RB1CC1: variants seen among roughly 807,000 people sequenced by gnomAD.
The protein encoded by RB1CC1 is RB1-inducible coiled-coil protein 1.
Under a neutral mutation model 177.5 loss-of-function variants are expected in RB1CC1, and 46 were observed. That is an observed-to-expected ratio of 0.26 (90% CI 0.20 to 0.33). RB1CC1 has a LOEUF of 0.33. RB1CC1 is among the 10% of genes least tolerant of loss of function. The pLI is 1.00. For synonymous variants in RB1CC1, 666 were observed against 613.6 expected (o/e 1.09, Z -1.26); for missense variants, 1,703 against 1,816.3 (o/e 0.94, Z 1.13).
At chr8:52,695,752 C>A (rs948262668) in intron 1 of RB1CC1, among the ~76,000 whole-genome samples, 1 of 152,194 alleles carries the variant, frequency 6.6e-6, no homozygotes, top group South Asian at 2.1e-4. Flanking sequence ...TGAGTTTGGA[C>A]CCCTTCCAGA....
At chr8:52,641,046 C>G (rs1000160749) in intron 18 of RB1CC1, among the ~76,000 whole-genome samples, 7 of 152,104 alleles carry the variant, frequency 4.6e-5, no homozygotes, top group African/African-American at 1.7e-4. Flanking sequence ...CCTGCACTTA[C>G]TGGTTTCTTA....
intron 7 of RB1CC1, among the ~76,000 whole-genome samples, chr8:52,670,234 A>T (rs1852442062): frequency 6.6e-6 from 1 of 152,202 alleles, no homozygotes; most frequent in South Asian, 2.1e-4. Context: ...TGCCCAGCTG[A>T]CTTCCTAAAA....
chr8:52,689,303 A>G (rs576642067), intron 1 of RB1CC1, among the ~76,000 whole-genome samples: 2 of 152,290 alleles, frequency 1.3e-5, no homozygotes, highest in Admixed American at 6.5e-5. Flanking sequence ...AACATCAGCA[A>G]ATTTGTCCTG....
chr8:52,632,532 C>G (rs542898369), intron 20 of RB1CC1, among the ~76,000 whole-genome samples: 4 of 152,174 alleles, frequency 2.6e-5, no homozygotes, highest in African/African-American at 9.6e-5. Flanking sequence ...TTTTTAAAAG[C>G]TTAAGTTTTT....
Position 52,657,666 on chromosome 8 carries a change from C to G in RB1CC1, c.2163G>C (p.Leu721Phe). The part of the protein sequence containing the change: ...EQTIHQVSLD[L>F]DSLAESPESD... Reference sequence around the variant, plus strand: ...ATTCAGGACTTTCTGCTAATGAATCCAAGTCTAAAGAAACTTGGTGAATAG... The same window carrying G: ...ATTCAGGACTTTCTGCTAATGAATCGAAGTCTAAAGAAACTTGGTGAATAG... Residue 721 changes from leucine (L) to phenylalanine (F), a missense_variant, in exon 15 of 24, where the codon TTG (leucine) becomes TTC (phenylalanine). Coordinates refer to ENST00000025008, the MANE Select transcript of RB1CC1 (RefSeq NM_014781.5). 1 of 1,614,092 alleles carries G rather than the reference C, an allele frequency of 6.2e-7. No individual in the cohort carries two copies. The highest frequency in any genetic ancestry group is 8.5e-7 in the Non-Finnish European group (1 of 1,180,016).
At chr8:52,666,928 A>C (rs950948729) in intron 8 of RB1CC1, among the ~76,000 whole-genome samples, 4 of 152,234 alleles carry the variant, frequency 2.6e-5, no homozygotes, top group African/African-American at 9.6e-5. Flanking sequence ...AAAGAGAAGG[A>C]AAAGCAAGTG....
At chr8:52,685,129 G>A (rs894538746) in intron 3 of RB1CC1, among the ~76,000 whole-genome samples, 10 of 150,892 alleles carry the variant, frequency 6.6e-5, no homozygotes, top group African/African-American at 1.5e-4. Flanking sequence ...TCAGCCTCCC[G>A]ATTAACTGGG....
chr8:52,693,382 G>C (rs576982097), intron 1 of RB1CC1, among the ~76,000 whole-genome samples: 1 of 151,926 alleles, frequency 6.6e-6, no homozygotes. Context: ...ATCTGACAAA[G>C]GTCTAATATC....
At position 52,685,247 on chromosome 8, in the gene RB1CC1, G is replaced by A. The variant is rs56028229; in HGVS notation, c.71+152C>T. On this transcript the variant is annotated intron_variant, in intron 3 of 23. Transcript: ENST00000025008. Reference sequence around the variant, plus strand: ...TCGATCTTTCTTGACCTCGTGATCCGCCCGCCTCAGCCTCCCAAAGTGCTG... The same window carrying A: ...TCGATCTTTCTTGACCTCGTGATCCACCCGCCTCAGCCTCCCAAAGTGCTG... 1,289 of 546,846 alleles carry A rather than the reference G, an allele frequency of 2.4e-3. 12 individuals carry two copies. The highest frequency in any genetic ancestry group is 0.021 in the African/African-American group (1,065 of 50,618). The allele number at this position is 546,846 out of a possible 1,614,324, so 33.9% of individuals were successfully genotyped here. A position where few individuals can be genotyped will look rare whatever the true frequency, so the allele number is the denominator to read the frequency against.
At chr8:52,627,305 C>T (rs1011903994) in intron 22 of RB1CC1, among the ~76,000 whole-genome samples, 19 of 152,280 alleles carry the variant, frequency 1.2e-4, no homozygotes, top group African/African-American at 4.3e-4. Flanking sequence ...TGAGATCGTG[C>T]CACCGCACTC....
chr8:52,656,830 A>T lies in RB1CC1; in HGVS notation c.2999T>A (p.Ile1000Lys). The T allele has an allele frequency of 6.2e-7, 1 of 1,613,792 alleles. No homozygotes were observed. The highest frequency in any genetic ancestry group is 8.5e-7 in the Non-Finnish European group (1 of 1,179,958). ...ELEDTLQVRH[I>K]QEFEKVMTDH... ...TGTCATAACCTTCTCAAACTCTTGT[A>T]TGTGCCTAACCTGAAGTGTGTCCTC... Residue 1000 changes from isoleucine (I) to lysine (K), a missense_variant, in exon 15 of 24, where the codon ATA (isoleucine) becomes AAA (lysine). Physicochemically the swap from Ile to Lys is moderately radical, Grantham distance 102 (BLOSUM62 -3). Transcript: ENST00000025008.
intron 22 of RB1CC1, 151 bp downstream of exon 22, chr8:52,627,881 C>T (rs1248426028): frequency 2.3e-5 from 14 of 609,398 alleles, no homozygotes; most frequent in Middle Eastern, 8.9e-4. Context: ...TGAAAATAAT[C>T]TAGATAATAC....
At position 52,714,109 on chromosome 8, in the gene RB1CC1, C is replaced by A; in HGVS notation, c.-201G>T. On this transcript the variant is annotated 5_prime_UTR_variant, in exon 1 of 24. Coordinates refer to ENST00000025008, the MANE Select transcript of RB1CC1 (RefSeq NM_014781.5). Reference sequence around the variant, plus strand: ...CCTCCTCCTTCGCCGGCGGCAGCAGCAGAGCCAGCGACCCCCGGCACCATC... The same window carrying A: ...CCTCCTCCTTCGCCGGCGGCAGCAGAAGAGCCAGCGACCCCCGGCACCATC... 2.8e-6 allele frequency: 1 copy of A among 351,394 alleles called. No homozygotes were observed. 21.8% of individuals were successfully genotyped at this position (351,394 alleles called of 1,614,324 possible). A position where few individuals can be genotyped will look rare whatever the true frequency, so the allele number is the denominator to read the frequency against.
At chr8:52,696,992 G>C (rs1315384486) in intron 1 of RB1CC1, among the ~76,000 whole-genome samples, 1 of 152,124 alleles carries the variant, frequency 6.6e-6, no homozygotes, top group Non-Finnish European at 1.5e-5. Context: ...AAGGGAGAGA[G>C]ACCGTCTCAA....
chr8:52,640,035 C>T (rs1471569699), intron 18 of RB1CC1, among the ~76,000 whole-genome samples: 1 of 152,098 alleles, frequency 6.6e-6, no homozygotes, highest in Non-Finnish European at 1.5e-5. Flanking sequence ...TTTATTGTGG[C>T]TCATTTGTTT....
Position 52,658,056 on chromosome 8 carries a change from G to A in RB1CC1, c.1862C>T (p.Ala621Val), listed in dbSNP as rs749129498. 6.2e-7 allele frequency: 1 copy of A among 1,613,938 alleles called. No homozygotes were observed. The highest frequency in any genetic ancestry group is 8.5e-7 in the Non-Finnish European group (1 of 1,180,002). ...HVLALHNLVK[A>V]AQSLDEMSQT... is the part of the protein sequence containing the mutation. ...TGACATTTCATCCAAACTTTGTGCT[G>A]CTTTTACCAAATTATGTAGAGCAAG... The change falls in exon 14 of 24, where the codon GCA becomes GTA. Residue 621 changes from alanine to valine, a missense_variant. Physicochemically the swap from Ala to Val is moderately conservative, Grantham distance 64 (BLOSUM62 0). Coordinates refer to ENST00000025008, the MANE Select transcript of RB1CC1 (RefSeq NM_014781.5).
At position 52,674,065 on chromosome 8, in the gene RB1CC1, G is replaced by T; in HGVS notation, c.782C>A (p.Ser261Ter). ...NESLLTSFPKSVEHVSPDTAD... is the reference protein window; with the variant it reads ...NESLLTSFPK ...GGTATCTGGGGACACATGTTCCACT[G>T]ACTTGGGAAATGAGGTTAACAAAGA... Residue 261 changes from serine (S) to a stop codon, truncating the protein, a stop_gained, in exon 7 of 24, where the codon TCA (serine) becomes TAA (stop). Transcript: ENST00000025008. LOFTEE classifies it high-confidence loss of function. The T allele has an allele frequency of 6.2e-7, 1 of 1,614,124 alleles. No individual in the cohort carries two copies. The highest frequency in any genetic ancestry group is 1.1e-5 in the South Asian group (1 of 91,056).
chr8:52,673,181 A>C (rs1852764863), intron 7 of RB1CC1, among the ~76,000 whole-genome samples: 1 of 152,236 alleles, frequency 6.6e-6, no homozygotes, highest in Admixed American at 6.5e-5. Context: ...ATCTTTTGAC[A>C]ACAGCAGCCT....
chr8:52,664,996 A>G (rs1168073924), intron 8 of RB1CC1, among the ~76,000 whole-genome samples: 2 of 147,376 alleles, frequency 1.4e-5, no homozygotes, highest in Non-Finnish European at 2.9e-5. Context: ...AAGAAAAAGT[A>G]GAGAGAGAAA....
Sources: gnomAD v4.1 joint callset for allele counts (sites outside exome capture counted in the v4.1 genomes callset) on GRCh38, gnomAD v4.1.1 for gene constraint, MANE v1.5 for transcripts, NCBI Gene and HGNC (gene_info 2026-07-23, HGNC 2026-07-21) for gene names.